ZNF799: variants seen among roughly 807,000 people sequenced by gnomAD.
ZNF799 encodes the protein zinc finger protein 14.
A neutral mutation model predicts 41.0 loss-of-function variants in ZNF799; 28 were observed. The ratio of observed to expected loss-of-function variants is 0.68; its 90% CI spans 0.51 to 0.94. ZNF799 has a LOEUF of 0.94. Ranked by LOEUF, ZNF799 falls within the 40% of genes least tolerant of loss-of-function variation. The pLI, the probability that ZNF799 is intolerant of heterozygous loss-of-function variation, is 0.00. For missense variants in ZNF799, 716 were observed against 764.3 expected (o/e 0.94, Z 0.74); for synonymous variants, 213 against 252.9 (o/e 0.84, Z 1.50).
chr19:12,407,362 C>G, the ZNF799 span, among the ~76,000 whole-genome samples: 2 of 151,544 alleles, frequency 1.3e-5, no homozygotes, highest in Non-Finnish European at 2.9e-5. Context: ...ACTTGGAAGG[C>G]TAAGACAGGA....
At chr19:12,409,038 G>GA in the ZNF799 span, among the ~76,000 whole-genome samples, 387 of 142,914 alleles carry the variant, frequency 2.7e-3, no homozygotes, top group Admixed American at 3.8e-3. Flanking sequence ...TCCACCTCAA[G>GA]AAAAAAAAAA....
chr19:12,410,016 T>C, the ZNF799 span, among the ~76,000 whole-genome samples: 1 of 151,848 alleles, frequency 6.6e-6, no homozygotes, highest in Non-Finnish European at 1.5e-5. Context: ...GGCATGGTGG[T>C]GCACACCTGT....
chr19:12,414,348 G>A, the ZNF799 span, among the ~76,000 whole-genome samples: 1 of 152,134 alleles, frequency 6.6e-6, no homozygotes, highest in Non-Finnish European at 1.5e-5. Context: ...CCCGCCCCTG[G>A]GGACATTTGC....
At position 12,401,105 on chromosome 19, in the gene ZNF799, C is replaced by CGGCTCCCGCTGCCAATGCG. The variant is rs1490419477; in HGVS notation, c.-54_-36dup. On this transcript the variant is annotated 5_prime_UTR_variant, in exon 1 of 4. Transcript: ENST00000430385. Reference sequence around the variant, plus strand: ...TCCGCGGTGTCCCAGGTCCTCCGGACGGCTCCCGCTGCCAATGCGGGTTCC... The same window carrying CGGCTCCCGCTGCCAATGCG: ...TCCGCGGTGTCCCAGGTCCTCCGGACGGCTCCCGCTGCCAATGCGGGCTCCCGCTGCCAATGCGGGTTCC... 4 of 1,613,454 alleles carry CGGCTCCCGCTGCCAATGCG rather than the reference C, an allele frequency of 2.5e-6. No homozygotes were observed. In the African/African-American group the frequency reaches 5.3e-5, roughly 22 times the overall value.
chr19:12,409,364 G>C, the ZNF799 span, among the ~76,000 whole-genome samples: 1 of 152,140 alleles, frequency 6.6e-6, no homozygotes, highest in Non-Finnish European at 1.5e-5. Context: ...GACCAGTACT[G>C]GTCCACAGCC....
Position 12,391,034 on chromosome 19 carries a change from T to C in ZNF799, c.1364A>G (p.Lys455Arg). 1 of 1,614,178 alleles carries C rather than the reference T, an allele frequency of 6.2e-7. No individual in the cohort carries two copies. The highest frequency in any genetic ancestry group is 8.5e-7 in the Non-Finnish European group (1 of 1,180,022). ...AAAGGAATAGAAATCAATAAAGGCT[T>C]TCCCACATTTGCATTTATAGGGTTT... Reference protein sequence around the residue: ...GEKPYKCKCGKAFIDFYSFQN... With the variant: ...GEKPYKCKCGRAFIDFYSFQN... Residue 455 changes from lysine to arginine, a missense_variant, in exon 4 of 4, where the codon AAA becomes AGA. Coordinates refer to ENST00000430385, the MANE Select transcript of ZNF799 (RefSeq NM_001080821.3).
chr19:12,394,963 G>C, intron 1 of ZNF799: 1 of 837,834 alleles, frequency 1.2e-6, no homozygotes, highest in Non-Finnish European at 1.4e-6. Context: ...GCTTTTATTT[G>C]TCCTTGGCCC....
chr19:12,403,799 A>C (rs1599611181), upstream of ZNF799, among the ~76,000 whole-genome samples: 1 of 151,482 alleles, frequency 6.6e-6, no homozygotes, highest in Non-Finnish European at 1.5e-5. Context: ...TGATCCACTC[A>C]CCTCGGCCTC....
intron 1 of ZNF799, chr19:12,400,725 A>T (rs1969966546): frequency 3.9e-6 from 2 of 511,844 alleles, no homozygotes; most frequent in African/African-American, 2.1e-5. Flanking sequence ...CTGGCTATTA[A>T]ACTGTTTCTG....
At chr19:12,399,598 T>C (rs1462479892) in intron 1 of ZNF799, among the ~76,000 whole-genome samples, 1 of 148,030 alleles carries the variant, frequency 6.8e-6, no homozygotes, top group African/African-American at 2.6e-5. Context: ...ACCCAGGGGA[T>C]GATATTCACT....
chr19:12,403,687 A>G (rs569294676), upstream of ZNF799, among the ~76,000 whole-genome samples: 1 of 151,832 alleles, frequency 6.6e-6, no homozygotes, highest in Non-Finnish European at 1.5e-5. Context: ...CAGGTAGCTG[A>G]GATTACAGGC....
intron 1 of ZNF799, among the ~76,000 whole-genome samples, chr19:12,396,391 T>C (rs1188576651): frequency 6.6e-6 from 1 of 152,294 alleles, no homozygotes; most frequent in African/African-American, 2.4e-5. Flanking sequence ...GGCTCACGCC[T>C]GTAATCCCAG....
Position 12,401,211 on chromosome 19 carries a change from T to G in ZNF799, c.-141A>C, listed in dbSNP as rs1969980479. ...GCACCGAGCGCCCAGCGCAGGTGGG[T>G]GGAGAAGACGCCGCGGGCTTTTTCA... On this transcript the variant is annotated 5_prime_UTR_variant, in exon 1 of 4. Transcript: ENST00000430385. 1 of 1,524,802 alleles carries G rather than the reference T, an allele frequency of 6.6e-7. No homozygotes were observed. The highest frequency in any genetic ancestry group is 2.1e-5 in the Admixed American group (1 of 48,440). 94.5% of individuals were successfully genotyped at this position (1,524,802 alleles called of 1,614,324 possible). A position where few individuals can be genotyped will look rare whatever the true frequency, so the allele number is the denominator to read the frequency against.
chr19:12,398,444 G>A (rs1371206791), intron 1 of ZNF799, among the ~76,000 whole-genome samples: 3 of 152,140 alleles, frequency 2.0e-5, no homozygotes, highest in Non-Finnish European at 4.4e-5. Context: ...GTCTATGGGT[G>A]GGAAGGAAAT....
Position 12,401,231 on chromosome 19 carries a change from T to C in ZNF799, c.-161A>G. Reference sequence around the variant, plus strand: ...GTGGGTGGAGAAGACGCCGCGGGCTTTTTCAACCACACACTCCTCTGGGAA... The same window carrying C: ...GTGGGTGGAGAAGACGCCGCGGGCTCTTTCAACCACACACTCCTCTGGGAA... On this transcript the variant is annotated 5_prime_UTR_variant, in exon 1 of 4. Transcript: ENST00000430385. 2 of 1,469,130 alleles carry C rather than the reference T, an allele frequency of 1.4e-6. No individual in the cohort carries two copies. Among genetic ancestry groups the C allele is most frequent in the Non-Finnish European group, 1.8e-6 (2 of 1,102,206 alleles). 91.0% of individuals were successfully genotyped at this position (1,469,130 alleles called of 1,614,324 possible). A position where few individuals can be genotyped will look rare whatever the true frequency, so the allele number is the denominator to read the frequency against.
intron 1 of ZNF799, chr19:12,400,272 C>G (rs1969956084): frequency 6.6e-6 from 1 of 152,282 alleles, no homozygotes. Context: ...AAACCCCACA[C>G]ACGAGTCTGG....
At chr19:12,401,002 C>T in intron 1 of ZNF799, 66 bp downstream of exon 1, 1 of 1,613,668 alleles carries the variant, frequency 6.2e-7, no homozygotes, top group Non-Finnish European at 8.5e-7. Flanking sequence ...GGTCCAGCCA[C>T]AGCCGATTAC....
intron 1 of ZNF799, among the ~76,000 whole-genome samples, chr19:12,396,526 G>A (rs1426984476): frequency 6.6e-6 from 1 of 152,188 alleles, no homozygotes; most frequent in East Asian, 1.9e-4. Flanking sequence ...GTGCACGCCT[G>A]TAATCCCAGC....
upstream of ZNF799, among the ~76,000 whole-genome samples, chr19:12,403,081 G>C (rs1421560910): frequency 2.0e-5 from 3 of 152,154 alleles, no homozygotes; most frequent in Admixed American, 6.5e-5. Flanking sequence ...TTTGCTAGCA[G>C]ACTTTTTATT....
Sources: allele counts gnomAD v4.1 joint callset (sites outside exome capture counted in the v4.1 genomes callset), GRCh38; gene constraint gnomAD v4.1.1; transcripts MANE v1.5; gene names NCBI Gene and HGNC (gene_info 2026-07-23, HGNC 2026-07-21).